Variants in NDUFA12 observed in about 807,000 individuals in gnomAD.
NDUFA12 encodes the protein NADH dehydrogenase [ubiquinone] 1 alpha subcomplex subunit 12.
NDUFA12 carries 17 observed loss-of-function variants against 20.3 expected under a neutral mutation model. The observed-to-expected ratio is 0.84, with a 90% CI of 0.57 to 1.26. The LOEUF is 1.26. Among genes scored for constraint, NDUFA12 ranks in the 50% most tolerant of loss-of-function variants. The pLI, the probability that NDUFA12 is intolerant of heterozygous loss-of-function variation, is 0.00. For synonymous variants in NDUFA12, 72 were observed against 63.6 expected (o/e 1.13, Z -0.63); for missense variants, 191 against 183.7 (o/e 1.04, Z -0.23).
chr12:94,991,369 T>C (rs1874638480), intron 3 of NDUFA12, among the ~76,000 whole-genome samples: 1 of 151,924 alleles, frequency 6.6e-6, no homozygotes, highest in South Asian at 2.1e-4. Flanking sequence ...CTTCCGTCAT[T>C]GTGAAAAGTT....
chr12:94,988,416 TG>T (rs1874525756), intron 3 of NDUFA12, among the ~76,000 whole-genome samples: 1 of 152,230 alleles, frequency 6.6e-6, no homozygotes, highest in South Asian at 2.1e-4. Context: ...GTAATGATTC[TG>T]AAAGTTCGGG....
intron 3 of NDUFA12, among the ~76,000 whole-genome samples, chr12:94,979,445 GGATT>G (rs1278445475): frequency 1.3e-5 from 2 of 152,156 alleles, no homozygotes; most frequent in East Asian, 1.9e-4. Context: ...GTGATTATAA[GGATT>G]GTTTTAATAA....
chr12:94,988,984 T>C (rs1014267153), intron 3 of NDUFA12, among the ~76,000 whole-genome samples: 1 of 152,148 alleles, frequency 6.6e-6, no homozygotes, highest in African/African-American at 2.4e-5. Flanking sequence ...CCCTCACTCA[T>C]TCCATTCCAG....
intron 3 of NDUFA12, among the ~76,000 whole-genome samples, chr12:94,975,717 A>G (rs1874044436): frequency 6.6e-6 from 1 of 152,200 alleles, no homozygotes; most frequent in African/African-American, 2.4e-5. Flanking sequence ...GCATATCCAT[A>G]TGATGGAAGA....
chr12:95,003,450 G>A lies in NDUFA12; in HGVS notation c.86+145C>T. 4 of 851,760 alleles carry A rather than the reference G, an allele frequency of 4.7e-6. No homozygotes were observed. In the South Asian group the frequency reaches 5.5e-5, roughly 12 times the overall value. 52.8% of individuals were successfully genotyped at this position (851,760 alleles called of 1,614,324 possible). A position where few individuals can be genotyped will look rare whatever the true frequency, so the allele number is the denominator to read the frequency against. On this transcript the variant is annotated intron_variant, in intron 1 of 3. Coordinates refer to ENST00000327772, the MANE Select transcript of NDUFA12 (RefSeq NM_018838.5). Reference sequence around the variant, plus strand: ...GGATATATGGGACAGAGACCAGCCTGGGGGTGGCAAGGCAGAGATTGGGGC... The same window carrying A: ...GGATATATGGGACAGAGACCAGCCTAGGGGTGGCAAGGCAGAGATTGGGGC...
chr12:94,977,760 G>C (rs1874105959), intron 3 of NDUFA12, among the ~76,000 whole-genome samples: 1 of 152,146 alleles, frequency 6.6e-6, no homozygotes, highest in African/African-American at 2.4e-5. Flanking sequence ...GAAATACTAT[G>C]TGGTAGGCAC....
chr12:94,980,291 C>A (rs955390778), intron 3 of NDUFA12, among the ~76,000 whole-genome samples: 1 of 152,164 alleles, frequency 6.6e-6, no homozygotes, highest in Admixed American at 6.5e-5. Flanking sequence ...CCCCTACCAA[C>A]CCGCCCTTCT....
intron 2 of NDUFA12, among the ~76,000 whole-genome samples, chr12:94,996,692 G>C (rs1408646724): frequency 6.6e-6 from 1 of 151,934 alleles, no homozygotes. Flanking sequence ...GATGGCGCAT[G>C]CCTGTAATCC....
At chr12:94,984,522 C>G (rs193063689) in intron 3 of NDUFA12, among the ~76,000 whole-genome samples, 1 of 151,388 alleles carries the variant, frequency 6.6e-6, no homozygotes, top group Non-Finnish European at 1.5e-5. Flanking sequence ...AAGAGTGAAA[C>G]TCCGTCTCCA....
At chr12:94,985,302 G>T (rs1230361018) in intron 3 of NDUFA12, among the ~76,000 whole-genome samples, 1 of 151,814 alleles carries the variant, frequency 6.6e-6, no homozygotes, top group Non-Finnish European at 1.5e-5. Flanking sequence ...TTTTGCCTGG[G>T]CAACATAGCG....
intron 3 of NDUFA12, among the ~76,000 whole-genome samples, chr12:94,987,729 A>G (rs1874494647): frequency 7.4e-6 from 1 of 134,244 alleles, no homozygotes. Flanking sequence ...TGAGCCCAGG[A>G]GGTCGAGGCT....
chr12:94,972,610 T>A, intron 3 of NDUFA12: 1 of 316,800 alleles, frequency 3.2e-6, no homozygotes, highest in South Asian at 2.5e-5. Context: ...ATGTCTATAA[T>A]CCCAGCACTT....
intron 3 of NDUFA12, among the ~76,000 whole-genome samples, chr12:94,992,887 C>A (rs971804858): frequency 6.6e-6 from 1 of 151,566 alleles, no homozygotes; most frequent in Non-Finnish European, 1.5e-5. Flanking sequence ...GAACTCCTGA[C>A]CCAAAAAAAA....
intron 2 of NDUFA12, among the ~76,000 whole-genome samples, chr12:94,998,637 G>A (rs1007574239): frequency 2.0e-5 from 3 of 152,130 alleles, no homozygotes; most frequent in Non-Finnish European, 4.4e-5. Context: ...CAAAGTTTCA[G>A]GATACTAAAT....
At chr12:94,974,275 G>A (rs1366663026) in intron 3 of NDUFA12, among the ~76,000 whole-genome samples, 3 of 151,868 alleles carry the variant, frequency 2.0e-5, no homozygotes, top group African/African-American at 2.4e-5. Context: ...ACAAGGAGCA[G>A]TAAAAAAAAC....
intron 2 of NDUFA12, among the ~76,000 whole-genome samples, chr12:95,001,910 G>A (rs1418427746): frequency 1.3e-5 from 2 of 151,630 alleles, no homozygotes; most frequent in African/African-American, 4.8e-5. Context: ...TCACCACGTT[G>A]GGCAGGATGC....
chr12:94,977,597 T>C (rs1874100704), intron 3 of NDUFA12, among the ~76,000 whole-genome samples: 1 of 152,156 alleles, frequency 6.6e-6, no homozygotes, highest in Non-Finnish European at 1.5e-5. Flanking sequence ...TAAATCTAGT[T>C]TCAAATTCAT....
intron 3 of NDUFA12, among the ~76,000 whole-genome samples, chr12:94,978,074 AG>A (rs1285024597): frequency 6.6e-6 from 1 of 152,220 alleles, no homozygotes; most frequent in African/African-American, 2.4e-5. Flanking sequence ...CAGAGTCAAC[AG>A]GGCTGTGACT....
intron 3 of NDUFA12, among the ~76,000 whole-genome samples, chr12:94,971,992 G>T (rs1219367575): frequency 6.6e-6 from 1 of 151,878 alleles, no homozygotes; most frequent in Non-Finnish European, 1.5e-5. Context: ...GCACTATCAT[G>T]GCTCATTGCA....
Sources: allele counts gnomAD v4.1 joint callset (sites outside exome capture counted in the v4.1 genomes callset), GRCh38; gene constraint gnomAD v4.1.1; transcripts MANE v1.5; gene names NCBI Gene and HGNC (gene_info 2026-07-23, HGNC 2026-07-21).